Variants in TRMT44 observed in about 807,000 individuals in gnomAD.
TRMT44 encodes probable tRNA (uracil-O(2)-)-methyltransferase.
In TRMT44, 78 loss-of-function variants were observed where a neutral mutation model predicts 77.3. The observed-to-expected ratio is 1.01, with a 90% CI of 0.84 to 1.22. The LOEUF (loss-of-function observed/expected upper bound fraction) is 1.22, where lower values mean the gene tolerates loss of function less well. TRMT44 is among the 50% of genes most tolerant of loss of function. The probability of loss-of-function intolerance (pLI) is 0.00; values close to 1 mark genes in which losing one functional copy is unlikely to be tolerated. For missense variants in TRMT44, 1,090 were observed against 964.4 expected (o/e 1.13, Z -1.73); for synonymous variants, 391 against 383.3 (o/e 1.02, Z -0.23).
intron 3 of TRMT44, 59 bp downstream of exon 3, chr4:8,449,947 T>TTA: frequency 3.5e-5 from 21 of 594,508 alleles, no homozygotes; most frequent in Non-Finnish European, 4.4e-5. Flanking sequence ...TTCTTTTCTT[T>TTA]TCTTTTTTTT....
chr4:8,480,708 C>T (rs1392203478), downstream of TRMT44, among the ~76,000 whole-genome samples: 8 of 152,200 alleles, frequency 5.3e-5, no homozygotes, highest in African/African-American at 2.4e-5. Context: ...GGACCATCAC[C>T]TCAAGGACTA....
At chr4:8,483,357 G>C (rs1264705204) in intron 2 of TRMT44, among the ~76,000 whole-genome samples, 1 of 152,088 alleles carries the variant, frequency 6.6e-6, no homozygotes, top group Non-Finnish European at 1.5e-5. Flanking sequence ...TGTATGAGTA[G>C]TTGAGAACGG....
At chr4:8,463,941 C>G (rs1726344776) in intron 6 of TRMT44, 44 bp from the exon 7 acceptor site, 2 of 1,548,952 alleles carry the variant, frequency 1.3e-6, no homozygotes, top group Non-Finnish European at 8.9e-7. Context: ...AGTAGCTCTA[C>G]AATGATTCAC....
intron 2 of TRMT44, among the ~76,000 whole-genome samples, chr4:8,486,233 G>A (rs1304572589): frequency 2.0e-5 from 3 of 152,308 alleles, no homozygotes; most frequent in East Asian, 3.9e-4. Context: ...CAGATTTCTG[G>A]CACTTGTAGC....
rs538724679 is a variant in TRMT44 at position 8,446,715 on chromosome 4, T to G, written c.734+125T>G. 6.3e-6 allele frequency: 4 copies of G among 632,368 alleles called. No homozygotes were observed. In the East Asian group the frequency reaches 1.2e-4, roughly 18 times the overall value. The allele number at this position is 632,368 out of a possible 1,614,324, so 39.2% of individuals were successfully genotyped here. On this transcript the variant is annotated intron_variant, in intron 2 of 10. Coordinates refer to ENST00000389737, the MANE Select transcript of TRMT44 (RefSeq NM_152544.3). The surrounding 1 kb of genome is among the most constrained non-coding windows in gnomAD (Gnocchi z 4.3). ...CTGAGGTGGTTATGGTTTGTAGGAA[T>G]GCAGTTGCTAGCTTATGTGCCCAGG...
the TRMT44 span, among the ~76,000 whole-genome samples, chr4:8,513,148 G>A: frequency 6.6e-6 from 1 of 152,116 alleles, no homozygotes; most frequent in East Asian, 1.9e-4. Context: ...CCTGACTTCA[G>A]GATAAAGAAA....
Position 8,449,797 on chromosome 4 carries a change from G to C in TRMT44, c.863G>C (p.Ser288Thr), listed in dbSNP as rs2109097912. 1 of 1,535,980 alleles carries C rather than the reference G, an allele frequency of 6.5e-7. No individual in the cohort carries two copies. The highest frequency in any genetic ancestry group is 1.4e-5 in the African/African-American group (1 of 73,108). The change falls in exon 3 of 11, where the codon AGT becomes ACT. Residue 288 changes from serine (S) to threonine (T), a missense_variant. Coordinates refer to ENST00000389737, the MANE Select transcript of TRMT44 (RefSeq NM_152544.3). ...LAKWSVENKK[S>T]DFKSTLSLIS... Reference sequence around the variant, plus strand: ...AAGTGGTCTGTAGAGAACAAGAAGAGTGACTTTAAAAGCACCCTTTCCCTC... The same window carrying C: ...AAGTGGTCTGTAGAGAACAAGAAGACTGACTTTAAAAGCACCCTTTCCCTC...
chr4:8,444,331 T>A lies in TRMT44; in HGVS notation c.620-2145T>A, dbSNP rs1484090183. Among the ~76,000 whole-genome samples, 2 of 151,418 alleles carry A rather than the reference T, an allele frequency of 1.3e-5. No homozygotes were observed. The highest frequency in any genetic ancestry group is 4.9e-5 in the African/African-American group (2 of 41,142). On this transcript the variant is annotated intron_variant, in intron 1 of 10. Coordinates refer to ENST00000389737, the MANE Select transcript of TRMT44 (RefSeq NM_152544.3). The surrounding 1 kb of genome is among the most constrained non-coding windows in gnomAD (Gnocchi z 4.0). ...GGATGGTTAAAGTGTACAAAAAAAA[T>A]AGAATATGAATAACACCTAGTATAT...
chr4:8,515,470 C>T, the TRMT44 span, among the ~76,000 whole-genome samples: 2 of 152,342 alleles, frequency 1.3e-5, no homozygotes, highest in African/African-American at 4.8e-5. Context: ...GCAGATGCTG[C>T]CCTTGCTCCC....
chr4:8,506,492 A>G, the TRMT44 span, among the ~76,000 whole-genome samples: 3 of 151,944 alleles, frequency 2.0e-5, no homozygotes, highest in Non-Finnish European at 4.4e-5. Flanking sequence ...CCCGGGCACC[A>G]CTCCATGCTC....
the TRMT44 span, among the ~76,000 whole-genome samples, chr4:8,502,934 T>G: frequency 2.0e-5 from 3 of 152,202 alleles, no homozygotes; most frequent in Admixed American, 1.3e-4. Context: ...TTCTTCACCC[T>G]TGAACACACA....
In TRMT44 at chr4:8,461,905, C is replaced by T. The variant is rs1277546109; in HGVS notation, c.1204-2080C>T. Reference sequence around the variant, plus strand: ...GTTGAGTGGTTTCCACGAACAGGTACAATCTAGAAAGTCAAAGGCCAGGCG... The same window carrying T: ...GTTGAGTGGTTTCCACGAACAGGTATAATCTAGAAAGTCAAAGGCCAGGCG... On this transcript the variant is annotated intron_variant, in intron 6 of 10. Transcript: ENST00000389737. The surrounding 1 kb of genome is among the most constrained non-coding windows in gnomAD (Gnocchi z 4.6). 6.6e-6 allele frequency among the ~76,000 whole-genome samples: 1 copy of T among 152,084 alleles called. No individual in the cohort carries two copies. Among genetic ancestry groups the T allele is most frequent in the East Asian group, 1.9e-4 (1 of 5,196 alleles).
At chr4:8,463,912 C>G in intron 6 of TRMT44, 73 bp from the exon 7 acceptor site, 2 of 1,287,656 alleles carry the variant, frequency 1.6e-6, no homozygotes, top group Admixed American at 1.7e-5. Flanking sequence ...TGTACCCTCC[C>G]GCCATGTCCT....
downstream of TRMT44, among the ~76,000 whole-genome samples, chr4:8,494,921 C>T (rs1391952698): frequency 4.6e-5 from 7 of 152,124 alleles, no homozygotes; most frequent in South Asian, 2.1e-4. Context: ...CTGGGAGCAC[C>T]GTCGTAGGTG....
Position 8,441,256 on chromosome 4 carries a change from T to G in TRMT44, c.434T>G (p.Leu145Arg), listed in dbSNP as rs1229456326. ...TTCCCCGCCGCAGATCTGGATTCGC[T>G]TTGGGAGGATTTCTCCCAAAGTCTC... The part of the protein sequence containing the change: ...GDFPAADLDS[L>R]WEDFSQSLAR... Residue 145 changes from leucine (L) to arginine (R), a missense_variant, in exon 1 of 11, where the codon CTT becomes CGT. Leu to Arg is a moderately radical substitution (Grantham distance 102, BLOSUM62 -2). Coordinates refer to ENST00000389737, the MANE Select transcript of TRMT44 (RefSeq NM_152544.3). 3.3e-6 allele frequency: 5 copies of G among 1,535,614 alleles called. No individual in the cohort carries two copies. The highest frequency in any genetic ancestry group is 4.4e-6 in the Non-Finnish European group (5 of 1,146,670).
At chr4:8,503,369 C>T in the TRMT44 span, among the ~76,000 whole-genome samples, 2 of 152,214 alleles carry the variant, frequency 1.3e-5, no homozygotes, top group African/African-American at 4.8e-5. Context: ...GCATCTGCCC[C>T]GGGGAAGCAG....
intron 8 of TRMT44, among the ~76,000 whole-genome samples, chr4:8,467,401 G>A (rs917962570): frequency 2.6e-5 from 4 of 152,224 alleles, no homozygotes; most frequent in African/African-American, 9.6e-5. Context: ...ACAATGATGA[G>A]AGGGAACCAT....
At chr4:8,496,662 C>T (rs958786469), downstream of TRMT44, among the ~76,000 whole-genome samples, 4 of 152,226 alleles carry the variant, frequency 2.6e-5, no homozygotes, top group South Asian at 4.1e-4. Flanking sequence ...ATTAGAAACG[C>T]GTATTAATCT....
At chr4:8,481,225 T>G (rs1230052575), downstream of TRMT44, among the ~76,000 whole-genome samples, 1 of 152,256 alleles carries the variant, frequency 6.6e-6, no homozygotes, top group Non-Finnish European at 1.5e-5. Context: ...AATTCACTTG[T>G]AGCCTGGAAG....
Sources: gnomAD v4.1 joint callset for allele counts (sites outside exome capture counted in the v4.1 genomes callset) on GRCh38, gnomAD v4.1.1 for gene constraint, Gnocchi (gnomAD v3.1) non-coding constraint, MANE v1.5 for transcripts, NCBI Gene and HGNC (gene_info 2026-07-23, HGNC 2026-07-21) for gene names.